The following LRMDA variants were observed in gnomAD, a reference collection of about 807,000 sequenced individuals.
LRMDA encodes leucine rich melanocyte differentiation associated.
A neutral mutation model predicts 29.8 loss-of-function variants in LRMDA; 18 were observed. That is an observed-to-expected ratio of 0.60 (90% CI 0.42 to 0.90). LRMDA has a LOEUF of 0.90. Among genes scored for constraint, LRMDA ranks in the 40% least tolerant of loss-of-function variants. The pLI is 0.00. For missense variants in LRMDA, 273 were observed against 273.9 expected (o/e 1.00, Z 0.02); for synonymous variants, 125 against 109.4 (o/e 1.14, Z -0.89).
At chr10:76,070,760 A>T (rs747018116) in intron 5 of LRMDA, among the ~76,000 whole-genome samples, 6 of 152,156 alleles carry the variant, frequency 3.9e-5, no homozygotes, top group Non-Finnish European at 8.8e-5. Context: ...ACCTAAAAGA[A>T]AGGAATGTGA....
At chr10:75,960,738 T>C (rs1275702619) in intron 2 of LRMDA, among the ~76,000 whole-genome samples, 3 of 152,150 alleles carry the variant, frequency 2.0e-5, no homozygotes, top group African/African-American at 7.2e-5. Flanking sequence ...CTCAGCCTCC[T>C]GAGTAGCTGG....
intron 6 of LRMDA, among the ~76,000 whole-genome samples, chr10:76,536,189 A>G (rs1843289182): frequency 6.6e-6 from 1 of 152,218 alleles, no homozygotes; most frequent in Non-Finnish European, 1.5e-5. Flanking sequence ...CCTGTGAAAC[A>G]ATAATACCAT....
chr10:75,533,452 C>A (rs1435964890), intron 2 of LRMDA, among the ~76,000 whole-genome samples: 2 of 152,264 alleles, frequency 1.3e-5, no homozygotes, highest in East Asian at 3.9e-4. Flanking sequence ...AAGCATCAAT[C>A]CTGGGTGGAA....
rs1846109332 is a variant in LRMDA, at chr10:75,925,675, T to G, written c.132-110333T>G. ...TTACATAAGCATTTTCTTTTTCTTT[T>G]TTTTTTTTGGAGACAGAGTCTCGCT... is the stretch of plus-strand genomic sequence containing the variant. On this transcript the variant is annotated intron_variant, in intron 2 of 6. Transcript: ENST00000611255. 4.7e-5 allele frequency among the ~76,000 whole-genome samples: 3 copies of G among 64,112 alleles called. No individual in the cohort carries two copies. In the South Asian group the frequency reaches 1.6e-3, roughly 35 times the overall value. 42.1% of individuals were successfully genotyped at this position (64,112 alleles called of 152,430 possible). A position where few individuals can be genotyped will look rare whatever the true frequency, so the allele number is the denominator to read the frequency against.
rs1039639736 is a variant in LRMDA, at chr10:75,750,398, C to T, written c.132-285610C>T. Among the ~76,000 whole-genome samples, 25 of 147,670 alleles carry T rather than the reference C, an allele frequency of 1.7e-4. No homozygotes were observed. The East Asian group carries it at 2.7e-3, about 16-fold the overall frequency. On this transcript the variant is annotated intron_variant, in intron 2 of 6. Transcript: ENST00000611255. ...GCAGAGACGCTCCTCACCTCCCAGA[C>T]GGGGTGGCGGTCAGGCAGAGACACT...
intron 5 of LRMDA, among the ~76,000 whole-genome samples, chr10:76,319,902 A>G (rs1203686134): frequency 3.3e-5 from 5 of 152,108 alleles, no homozygotes; most frequent in Non-Finnish European, 7.4e-5. Flanking sequence ...AAACAGTGGG[A>G]GATTTATGGC....
At chr10:76,122,109 G>A (rs1849799885) in intron 5 of LRMDA, among the ~76,000 whole-genome samples, 1 of 152,218 alleles carries the variant, frequency 6.6e-6, no homozygotes, top group Non-Finnish European at 1.5e-5. Flanking sequence ...CATGCTAAGT[G>A]ATATACAATT....
intron 2 of LRMDA, among the ~76,000 whole-genome samples, chr10:75,766,827 T>C (rs1175725323): frequency 6.6e-6 from 1 of 152,080 alleles, no homozygotes; most frequent in Admixed American, 6.5e-5. Context: ...CGGTGTGTGA[T>C]GTTACCCTCC....
chr10:75,887,190 T>C (rs1845405489), intron 2 of LRMDA, among the ~76,000 whole-genome samples: 1 of 150,500 alleles, frequency 6.6e-6, no homozygotes, highest in Non-Finnish European at 1.5e-5. Flanking sequence ...TTTATGTAAA[T>C]AATAACAAAA....
intron 5 of LRMDA, among the ~76,000 whole-genome samples, chr10:76,228,303 C>T (rs537068209): frequency 2.8e-4 from 43 of 152,208 alleles, no homozygotes; most frequent in African/African-American, 8.4e-4. Flanking sequence ...TGAGCTACCA[C>T]GCCCGGCAGG....
At chr10:76,080,606 A>C (rs1320961504) in intron 5 of LRMDA, among the ~76,000 whole-genome samples, 2 of 152,234 alleles carry the variant, frequency 1.3e-5, no homozygotes, top group African/African-American at 4.8e-5. Flanking sequence ...AGGTCACACC[A>C]CAAGGCCACT....
At chr10:76,054,880 A>C (rs952634284) in intron 4 of LRMDA, among the ~76,000 whole-genome samples, 1 of 151,534 alleles carries the variant, frequency 6.6e-6, no homozygotes, top group South Asian at 2.1e-4. Flanking sequence ...CCTGGCCAAC[A>C]TGGTGAAACG....
chr10:76,425,547 G>T (rs1245711035), intron 6 of LRMDA, among the ~76,000 whole-genome samples: 3 of 151,400 alleles, frequency 2.0e-5, no homozygotes, highest in Non-Finnish European at 2.9e-5. Flanking sequence ...TACTTGGCAT[G>T]CAAAAGCTAT....
At chr10:75,816,743 A>G (rs776797935) in intron 2 of LRMDA, among the ~76,000 whole-genome samples, 25 of 152,164 alleles carry the variant, frequency 1.6e-4, no homozygotes, top group Non-Finnish European at 2.2e-4. Flanking sequence ...TGGATCCCCA[A>G]TCCTGGATGT....
At chr10:75,848,174 A>G (rs911683062) in intron 2 of LRMDA, among the ~76,000 whole-genome samples, 6 of 152,206 alleles carry the variant, frequency 3.9e-5, no homozygotes, top group Non-Finnish European at 8.8e-5. Context: ...ATGTCCATCA[A>G]TGGATGAATG....
At chr10:75,707,535 G>A (rs909452180) in intron 2 of LRMDA, among the ~76,000 whole-genome samples, 4 of 152,220 alleles carry the variant, frequency 2.6e-5, no homozygotes, top group Non-Finnish European at 5.9e-5. Context: ...GCCGGTGACC[G>A]AGGATGCTGA....
At chr10:76,221,849 C>T (rs1851846104) in intron 5 of LRMDA, among the ~76,000 whole-genome samples, 1 of 152,022 alleles carries the variant, frequency 6.6e-6, no homozygotes, top group South Asian at 2.1e-4. Context: ...GGAGGCATCA[C>T]ACTACCTGAC....
chr10:76,130,875 C>T (rs1409888221), intron 5 of LRMDA, among the ~76,000 whole-genome samples: 2 of 152,034 alleles, frequency 1.3e-5, no homozygotes, highest in Non-Finnish European at 2.9e-5. Flanking sequence ...GTTGGCCAGG[C>T]TTGTCTTAAA....
At chr10:75,627,505 A>G (rs140751415) in intron 2 of LRMDA, among the ~76,000 whole-genome samples, 3 of 152,184 alleles carry the variant, frequency 2.0e-5, no homozygotes, top group African/African-American at 7.2e-5. Flanking sequence ...GGAGTGGAGA[A>G]GGTTTGGGCC....
Sources: allele counts gnomAD v4.1 joint callset (sites outside exome capture counted in the v4.1 genomes callset), GRCh38; gene constraint gnomAD v4.1.1; transcripts MANE v1.5; gene names NCBI Gene and HGNC (gene_info 2026-07-23, HGNC 2026-07-21).